The following MCM7 variants were observed in gnomAD, a reference collection of about 807,000 sequenced individuals.
The protein encoded by MCM7 is minichromosome maintenance complex component 7, also known as DNA replication licensing factor MCM7.
Under a neutral mutation model 83.5 loss-of-function variants are expected in MCM7, and 95 were observed. The ratio of observed to expected loss-of-function variants is 1.14; its 90% CI spans 0.96 to 1.35. MCM7 has a LOEUF of 1.35. MCM7 is among the 40% of genes most tolerant of loss of function. The pLI is 0.00. For synonymous variants in MCM7, 461 were observed against 352.7 expected (o/e 1.31, Z -3.44); for missense variants, 1,087 against 957.4 (o/e 1.14, Z -1.79).
chr7:100,093,120 C>A lies in MCM7; in HGVS notation c.1972G>T (p.Ala658Ser), dbSNP rs1379987739. The change falls in exon 15 of 15, where the codon GCA (alanine) becomes TCA (serine). Residue 658 changes from alanine (A) to serine (S), a missense_variant. By Grantham distance (99) the Ala-to-Ser change is moderately conservative (BLOSUM62 1). Transcript: ENST00000303887. ...KGQTARTQRPADVIFATVREL... is the reference protein window; with the variant it reads ...KGQTARTQRPSDVIFATVREL... ...CGGACGGTGGCAAATATCACATCTG[C>A]TGGTCTCTGAGTCCTGAAGGAAATG... 6.2e-7 allele frequency: 1 copy of A among 1,613,920 alleles called. No homozygotes were observed.
intron 6 of MCM7, 104 bp from the exon 7 acceptor site, chr7:100,098,394 C>G: frequency 6.6e-7 from 1 of 1,513,090 alleles, no homozygotes. Context: ...CAGCCACAGA[C>G]AAGCCCACAG....
At chr7:100,094,468 AAC>A (rs1795513042) in intron 12 of MCM7, 127 bp from the exon 13 acceptor site, 3 of 1,040,376 alleles carry the variant, frequency 2.9e-6, no homozygotes, top group South Asian at 3.1e-5. Context: ...TTAAGTGGAA[AAC>A]ACAAATTAGT....
At chr7:100,100,828 C>G in intron 1 of MCM7, 1 of 1,004,904 alleles carries the variant, frequency 1.0e-6, no homozygotes, top group Non-Finnish European at 1.2e-6. Context: ...AACGGCCAAT[C>G]CCGGCGCGCA....
At position 100,099,418 on chromosome 7, in the gene MCM7, C is replaced by CAAAAAAAAAAA. The variant is rs749189763; in HGVS notation, c.277-26_277-16dup. The CAAAAAAAAAAA allele has an allele frequency of 7.9e-4, 1,033 of 1,303,460 alleles. 4 individuals are homozygous for CAAAAAAAAAAA. The highest frequency in any genetic ancestry group is 2.5e-3 in the South Asian group (157 of 62,244). The allele number at this position is 1,303,460 out of a possible 1,614,324, so 80.7% of individuals were successfully genotyped here. ...TTATTTACCACCTAAAGGAGAAGAA[C>CAAAAAAAAAAA]AAAAAAAAAAAAAAAAAAGAGCAAC... On this transcript the variant is annotated splice_polypyrimidine_tract_variant and intron_variant, in intron 3 of 14. Coordinates refer to ENST00000303887, the MANE Select transcript of MCM7 (RefSeq NM_005916.5).
intron 5 of MCM7, 78 bp downstream of exon 5, chr7:100,098,945 T>A: frequency 1.3e-6 from 2 of 1,568,890 alleles, no homozygotes; most frequent in South Asian, 2.3e-5. Flanking sequence ...AATAAAACAA[T>A]AGGCATCACA....
chr7:100,098,425 T>C, intron 6 of MCM7, 135 bp from the exon 7 acceptor site: 3 of 1,482,500 alleles, frequency 2.0e-6, no homozygotes, highest in Non-Finnish European at 2.8e-6. Flanking sequence ...GAGACCTCCT[T>C]TCCCCTTCCC....
intron 1 of MCM7, chr7:100,100,783 C>T (rs1795962469): frequency 2.0e-6 from 2 of 993,344 alleles, no homozygotes; most frequent in Non-Finnish European, 2.4e-6. Context: ...GCGCCACTTC[C>T]GCCCGGCTCC....
rs561476312 is a variant in MCM7 at position 100,096,857 on chromosome 7, C to CT, written c.1201+443dup. Among the ~76,000 whole-genome samples the CT allele has an allele frequency of 8.5e-5, 13 of 152,092 alleles. No homozygotes were observed. In the East Asian group the frequency reaches 1.6e-3, roughly 18 times the overall value. On this transcript the variant is annotated intron_variant, in intron 10 of 14. Coordinates refer to ENST00000303887, the MANE Select transcript of MCM7 (RefSeq NM_005916.5). ...GTGGCTCACGCCTGTAATCCCAGCA[C>CT]TTTGGGAGGCCGAGGCGGGCGGATC...
At chr7:100,098,742 AG>A (rs756579999) in intron 5 of MCM7, 27 bp from the exon 6 acceptor site, 1 of 1,613,310 alleles carries the variant, frequency 6.2e-7, no homozygotes, top group South Asian at 1.1e-5. Context: ...GAAACACCAA[AG>A]GAACTCAGAA....
At chr7:100,098,810 A>G in intron 5 of MCM7, 95 bp from the exon 6 acceptor site, 5 of 1,521,422 alleles carry the variant, frequency 3.3e-6, no homozygotes, top group Non-Finnish European at 4.5e-6. Flanking sequence ...CATGGCAGAC[A>G]TCTTGTAAGT....
At position 100,093,014 on chromosome 7, in the gene MCM7, T is replaced by C; in HGVS notation, c.2078A>G (p.Gln693Arg). The change falls in exon 15 of 15, where the codon CAG becomes CGG. Residue 693 changes from glutamine (Q) to arginine (R), a missense_variant. Gln to Arg is a conservative substitution (Grantham distance 43). Coordinates refer to ENST00000303887, the MANE Select transcript of MCM7 (RefSeq NM_005916.5). ...RCVSRGFTPA[Q>R]FQAALDEYEE... ...ATATTCATCCAGAGCCGCCTGGAAC[T>C]GGGCGGGTGTGAAGCCACGAGATAC... 4.3e-6 allele frequency: 7 copies of C among 1,614,208 alleles called. No homozygotes were observed. The highest frequency in any genetic ancestry group is 4.2e-6 in the Non-Finnish European group (5 of 1,180,028).
In MCM7 at chr7:100,095,764, C is replaced by T. The variant is rs370753566; in HGVS notation, c.1595+10G>A. Reference sequence around the variant, plus strand: ...AGGGGACCTCTCTTTGGGTGTTGAGCTTCATTCACCGTAGGTCATTGTCTC... The same window carrying T: ...AGGGGACCTCTCTTTGGGTGTTGAGTTTCATTCACCGTAGGTCATTGTCTC... On this transcript the variant is annotated intron_variant, in intron 11 of 14. Coordinates refer to ENST00000303887, the MANE Select transcript of MCM7 (RefSeq NM_005916.5). 24 of 1,558,820 alleles carry T rather than the reference C, an allele frequency of 1.5e-5. No individual in the cohort carries two copies. In the African/African-American group the frequency reaches 2.8e-4, roughly 18 times the overall value.
chr7:100,099,869 A>T (rs757069911), intron 2 of MCM7, 116 bp from the exon 3 acceptor site: 10 of 1,456,688 alleles, frequency 6.9e-6, no homozygotes, highest in Admixed American at 1.8e-5. Context: ...TCCACAGGGG[A>T]GAACGCAGCG....
chr7:100,096,635 T>A (rs1056987970), intron 10 of MCM7, among the ~76,000 whole-genome samples: 6 of 151,156 alleles, frequency 4.0e-5, no homozygotes, highest in Non-Finnish European at 7.4e-5. Context: ...AGTGGCCAAG[T>A]GTGGTGGCAC....
rs187160563 is a variant in MCM7 at position 100,092,754 on chromosome 7, A to G, written c.*178T>C. On this transcript the variant is annotated 3_prime_UTR_variant, in exon 15 of 15. Transcript: ENST00000303887. ...AAAAAACGCACAAAACCCTGTTTTAATGGAAGTCAGGCCCAGGCTAGAAGA... is the reference window on the plus strand; with the variant it reads ...AAAAAACGCACAAAACCCTGTTTTAGTGGAAGTCAGGCCCAGGCTAGAAGA... 19 of 661,756 alleles carry G rather than the reference A, an allele frequency of 2.9e-5. No homozygotes were observed. The East Asian group carries it at 5.2e-4, about 18-fold the overall frequency. The allele number at this position is 661,756 out of a possible 1,614,324, so 41.0% of individuals were successfully genotyped here. A position where few individuals can be genotyped will look rare whatever the true frequency, so the allele number is the denominator to read the frequency against.
intron 10 of MCM7, 98 bp from the exon 11 acceptor site, chr7:100,096,265 G>A (rs972022463): frequency 1.6e-6 from 2 of 1,238,934 alleles, no homozygotes; most frequent in Admixed American, 5.6e-5. Flanking sequence ...CCTGCGCTGG[G>A]ATCATTCCAC....
At chr7:100,100,193 G>A (rs2116597179) in intron 1 of MCM7, 100 bp from the exon 2 acceptor site, 6 of 1,497,586 alleles carry the variant, frequency 4.0e-6, no homozygotes, top group East Asian at 2.5e-5. Context: ...TTAATAATAT[G>A]AGCATTTAAA....
intron 1 of MCM7, 140 bp from the exon 2 acceptor site, chr7:100,100,233 C>T: frequency 1.4e-6 from 2 of 1,430,376 alleles, no homozygotes; most frequent in East Asian, 5.2e-5. Context: ...CCAAAGTGGG[C>T]ATAACTCTTT....
chr7:100,098,446 G>A, intron 6 of MCM7, 132 bp downstream of exon 6: 6 of 1,505,214 alleles, frequency 4.0e-6, no homozygotes, highest in East Asian at 2.3e-5. Context: ...AAGGCTCCCA[G>A]GAAATTCTAG....
Sources: gnomAD v4.1 joint callset for allele counts (sites outside exome capture counted in the v4.1 genomes callset) on GRCh38, gnomAD v4.1.1 for gene constraint, MANE v1.5 for transcripts, NCBI Gene and HGNC (gene_info 2026-07-23, HGNC 2026-07-21) for gene names.